ARHGAP21: variants seen among roughly 807,000 people sequenced by gnomAD.
ARHGAP21 encodes the protein Rho GTPase activating protein 21.
ARHGAP21 carries 38 observed loss-of-function variants against 164.6 expected under a neutral mutation model. That is an observed-to-expected ratio of 0.23 (90% CI 0.18 to 0.30). The LOEUF (loss-of-function observed/expected upper bound fraction) is 0.30. Ranked by LOEUF, ARHGAP21 falls within the 10% of genes least tolerant of loss-of-function variation. The pLI is 1.00. For missense variants in ARHGAP21, 1,822 were observed against 2,370.7 expected (o/e 0.77, Z 4.81); for synonymous variants, 766 against 857.9 (o/e 0.89, Z 1.87).
chr10:24,702,370 A>T (rs955231954), intron 2 of ARHGAP21, among the ~76,000 whole-genome samples: 18 of 151,654 alleles, frequency 1.2e-4, no homozygotes, highest in African/African-American at 4.1e-4. Flanking sequence ...TGACCTCGTG[A>T]TCCGCCTGCC....
chr10:24,586,044 T>C lies in ARHGAP21; in HGVS notation c.4245A>G (p.Ala1415=), dbSNP rs2135625320. 6.2e-7 allele frequency: 1 copy of C among 1,614,082 alleles called. No homozygotes were observed. Residue 1415 remains alanine (A), a synonymous_variant, in exon 26 of 26, where the codon GCA becomes GCG. Transcript: ENST00000396432. ...SRELLVSSIF[A]AASRKRKKPK... is the part of the protein sequence containing the mutation. ...GCTTCTTCCTCTTGCGACTAGCAGC[T>C]GCAAAGATGGAGGACACAAGCAGTT...
chr10:24,708,464 T>C (rs994237115), intron 2 of ARHGAP21, among the ~76,000 whole-genome samples: 3 of 152,232 alleles, frequency 2.0e-5, no homozygotes, highest in African/African-American at 4.8e-5. Flanking sequence ...GGGTATCATA[T>C]GCAATTTTGT....
At chr10:24,619,261 G>GT (rs11389803) in intron 9 of ARHGAP21, among the ~76,000 whole-genome samples, 68,791 of 148,728 alleles carry the variant, frequency 0.46, 16,343 homozygotes, top group Middle Eastern at 0.55. Flanking sequence ...TGAAGTTTTT[G>GT]TTTTTTTTTT....
At chr10:24,689,400 T>C (rs1284192737) in intron 2 of ARHGAP21, among the ~76,000 whole-genome samples, 1 of 152,150 alleles carries the variant, frequency 6.6e-6, no homozygotes, top group East Asian at 1.9e-4. Context: ...GAAAATTATG[T>C]CAATACTTCG....
intron 2 of ARHGAP21, among the ~76,000 whole-genome samples, chr10:24,720,906 A>C (rs1845857950): frequency 1.3e-5 from 2 of 152,302 alleles, no homozygotes; most frequent in Non-Finnish European, 1.5e-5. Flanking sequence ...CAGTCTATTT[A>C]AAGAACAAAT....
chr10:24,645,027 G>A (rs10828681), intron 4 of ARHGAP21, among the ~76,000 whole-genome samples: 74,936 of 151,862 alleles, frequency 0.49, 18,706 homozygotes, highest in Middle Eastern at 0.57. Flanking sequence ...ATATCCTTCA[G>A]TCCTTCATTT....
chr10:24,645,901 A>G (rs1420151445), intron 4 of ARHGAP21, among the ~76,000 whole-genome samples: 2 of 152,176 alleles, frequency 1.3e-5, no homozygotes, highest in African/African-American at 2.4e-5. Context: ...GAAGAGGGAA[A>G]GGCAGGGCTG....
chr10:24,653,264 GTT>G (rs1352369808), intron 4 of ARHGAP21, among the ~76,000 whole-genome samples: 1 of 152,062 alleles, frequency 6.6e-6, no homozygotes, highest in East Asian at 1.9e-4. Context: ...AGAGGATTTT[GTT>G]TTGTTTTGTT....
intron 2 of ARHGAP21, among the ~76,000 whole-genome samples, chr10:24,707,437 T>C (rs1844347947): frequency 6.6e-6 from 1 of 152,160 alleles, no homozygotes; most frequent in South Asian, 2.1e-4. Flanking sequence ...TTCTTACACT[T>C]CCATAGGTGA....
At chr10:24,587,223 A>C (rs1038399079) in intron 25 of ARHGAP21, among the ~76,000 whole-genome samples, 2 of 152,098 alleles carry the variant, frequency 1.3e-5, no homozygotes, top group African/African-American at 4.8e-5. Context: ...GTCTCAAGCT[A>C]TCCTCCCACC....
Position 24,622,754 on chromosome 10 carries a change from A to G in ARHGAP21, c.504T>C (p.Phe168=), listed in dbSNP as rs1295888155. ...KDEDILQVLQ[F]TKDVTALAYS... ...TTACCAGTGCTGTGACATCCTTTGTAAACTGTAGCTAGCAGAAAATAGGAA... is the reference window on the plus strand; with the variant it reads ...TTACCAGTGCTGTGACATCCTTTGTGAACTGTAGCTAGCAGAAAATAGGAA... The change falls in exon 8 of 26, where the codon TTT becomes TTC. Residue 168 remains phenylalanine, a synonymous_variant. Transcript: ENST00000396432. The G allele has an allele frequency of 1.3e-5, 21 of 1,611,494 alleles. No homozygotes were observed. Among genetic ancestry groups the G allele is most frequent in the Non-Finnish European group, 1.5e-5 (18 of 1,179,108 alleles).
chr10:24,625,452 C>T (rs1835048573), intron 7 of ARHGAP21, among the ~76,000 whole-genome samples: 1 of 152,082 alleles, frequency 6.6e-6, no homozygotes, highest in Admixed American at 6.6e-5. Flanking sequence ...TAGATGCCAA[C>T]CATGCCAGCA....
At chr10:24,594,435 T>C (rs1007339291) in intron 21 of ARHGAP21, among the ~76,000 whole-genome samples, 1 of 152,110 alleles carries the variant, frequency 6.6e-6, no homozygotes, top group African/African-American at 2.4e-5. Flanking sequence ...AGCCCAGAAG[T>C]TTGAGACTAG....
chr10:24,646,603 C>A (rs1837597037), intron 4 of ARHGAP21, among the ~76,000 whole-genome samples: 1 of 151,862 alleles, frequency 6.6e-6, no homozygotes, highest in Non-Finnish European at 1.5e-5. Flanking sequence ...CAGAATGAGA[C>A]CCTGTATTTA....
At chr10:24,592,113 A>G (rs1203321366) in intron 21 of ARHGAP21, 101 bp from the exon 22 acceptor site, 1 of 1,168,716 alleles carries the variant, frequency 8.6e-7, no homozygotes, top group Admixed American at 2.6e-5. Flanking sequence ...TAAACAGAAA[A>G]ATAGCTTTGA....
intron 2 of ARHGAP21, among the ~76,000 whole-genome samples, chr10:24,687,039 A>C (rs1190955022): frequency 1.3e-5 from 2 of 152,178 alleles, no homozygotes; most frequent in Non-Finnish European, 2.9e-5. Flanking sequence ...AACATGGTGA[A>C]ACCCCATTTC....
At chr10:24,619,441 G>A (rs750681782) in intron 9 of ARHGAP21, 32 bp downstream of exon 9, 15 of 1,565,124 alleles carry the variant, frequency 9.6e-6, no homozygotes, top group Middle Eastern at 1.7e-4. Context: ...TATACATTTG[G>A]CATATTAGCC....
chr10:24,634,239 A>AT (rs1836149999), intron 5 of ARHGAP21, among the ~76,000 whole-genome samples: 1 of 152,110 alleles, frequency 6.6e-6, no homozygotes, highest in East Asian at 1.9e-4. Context: ...TTTAAGTATA[A>AT]TAAAAAAAAC....
intron 4 of ARHGAP21, among the ~76,000 whole-genome samples, chr10:24,662,547 T>C (rs1015558179): frequency 2.0e-5 from 3 of 152,226 alleles, no homozygotes; most frequent in Non-Finnish European, 4.4e-5. Flanking sequence ...TTCTCAGTCA[T>C]GCGCTAATTT....
Sources: gnomAD v4.1 joint callset for allele counts (sites outside exome capture counted in the v4.1 genomes callset) on GRCh38, gnomAD v4.1.1 for gene constraint, MANE v1.5 for transcripts, NCBI Gene and HGNC (gene_info 2026-07-23, HGNC 2026-07-21) for gene names.